AK8: variants seen among roughly 807,000 people sequenced by gnomAD.
AK8 encodes the protein adenylate kinase 8, also known as ATP-AMP transphosphorylase 8.
Under a neutral mutation model 54.6 loss-of-function variants are expected in AK8, and 44 were observed. The ratio of observed to expected loss-of-function variants is 0.81; its 90% CI spans 0.63 to 1.04. The LOEUF (loss-of-function observed/expected upper bound fraction) is 1.04, where lower values mean the gene tolerates loss of function less well. Ranked by LOEUF, AK8 falls within the 50% of genes least tolerant of loss-of-function variation. The probability of loss-of-function intolerance (pLI) is 0.00; values close to 1 mark genes in which losing one functional copy is unlikely to be tolerated. For missense variants in AK8, 555 were observed against 613.6 expected (o/e 0.90, Z 1.01); for synonymous variants, 239 against 245.6 (o/e 0.97, Z 0.25).
chr9:132,777,899 C>T (rs879689494), intron 11 of AK8, among the ~76,000 whole-genome samples: 1 of 152,242 alleles, frequency 6.6e-6, no homozygotes, highest in African/African-American at 2.4e-5. Flanking sequence ...CCCTTGTCCA[C>T]CGACACTGTG....
In AK8 at chr9:132,737,459, C is replaced by T. The variant is rs143436546; in HGVS notation, c.1122-9925G>A. ...ACTACAGACCAACATCCCTCATAAA[C>T]ACAAATGCAAAAATCCTCAGCAGAA... is the stretch of plus-strand genomic sequence containing the variant. On this transcript the variant is annotated intron_variant, in intron 11 of 12. Transcript: ENST00000298545. 4.6e-3 allele frequency among the ~76,000 whole-genome samples: 697 copies of T among 152,236 alleles called. 4 individuals carry two copies. The highest frequency in any genetic ancestry group is 0.016 in the African/African-American group (654 of 41,536).
chr9:132,821,256 G>A (rs1467842573), intron 9 of AK8, among the ~76,000 whole-genome samples: 11 of 151,110 alleles, frequency 7.3e-5, no homozygotes, highest in Admixed American at 3.3e-4. Flanking sequence ...TCCCTCCACC[G>A]CGAGTGCCCC....
intron 10 of AK8, among the ~76,000 whole-genome samples, chr9:132,812,606 C>T (rs1841115165): frequency 6.1e-5 from 1 of 16,344 alleles, no homozygotes; most frequent in Admixed American, 5.9e-4. Flanking sequence ...CCTGTGGCCT[C>T]CCAGACCCTG....
rs73659481 is a variant in AK8, at chr9:132,785,857, C to T, written c.1121+6777G>A. On this transcript the variant is annotated intron_variant, in intron 11 of 12. Transcript: ENST00000298545. ...GTTGAAAGTAAAACTTAGGAACATGCAAATGTAACAAAGAAATCAGAGTTT... is the reference window on the plus strand; with the variant it reads ...GTTGAAAGTAAAACTTAGGAACATGTAAATGTAACAAAGAAATCAGAGTTT... 4.3e-3 allele frequency among the ~76,000 whole-genome samples: 655 copies of T among 152,268 alleles called. 5 individuals carry two copies. Among genetic ancestry groups the T allele is most frequent in the African/African-American group, 0.015 (621 of 41,548 alleles).
chr9:132,735,865 C>T (rs528428791), intron 11 of AK8, among the ~76,000 whole-genome samples: 7 of 152,308 alleles, frequency 4.6e-5, no homozygotes, highest in Admixed American at 1.3e-4. Context: ...TACAGTCATG[C>T]GTTGCTTAAT....
chr9:132,842,431 A>G (rs1842582139), intron 5 of AK8, among the ~76,000 whole-genome samples: 1 of 152,218 alleles, frequency 6.6e-6, no homozygotes, highest in Admixed American at 6.5e-5. Flanking sequence ...CCTAACTATG[A>G]CAGTGCAGAG....
At chr9:132,812,745 G>C (rs1306689062) in intron 10 of AK8, among the ~76,000 whole-genome samples, 1 of 152,194 alleles carries the variant, frequency 6.6e-6, no homozygotes, top group South Asian at 2.1e-4. Context: ...GGCTGGTGGG[G>C]GCAGCGCTGG....
At chr9:132,850,297 T>A (rs1488028308) in intron 5 of AK8, among the ~76,000 whole-genome samples, 1 of 147,342 alleles carries the variant, frequency 6.8e-6, no homozygotes. Context: ...ACGGCTGCCT[T>A]TGTATTACAT....
chr9:132,850,179 G>C lies in AK8; in HGVS notation c.402+4678C>G, dbSNP rs1344702589. ...AGCCATTCCCCTGCCTCAGCCTACC[G>C]AGTAGCTGGGATTACAGGCACCCAC... On this transcript the variant is annotated intron_variant, in intron 5 of 12. Coordinates refer to ENST00000298545, the MANE Select transcript of AK8 (RefSeq NM_152572.3). Among the ~76,000 whole-genome samples the C allele has an allele frequency of 2.8e-5, 4 of 142,822 alleles. 1 individual carries two copies. 93.7% of individuals were successfully genotyped at this position (142,822 alleles called of 152,430 possible). A position where few individuals can be genotyped will look rare whatever the true frequency, so the allele number is the denominator to read the frequency against.
chr9:132,746,511 A>G (rs943752855), intron 11 of AK8, among the ~76,000 whole-genome samples: 4 of 152,230 alleles, frequency 2.6e-5, no homozygotes, highest in Non-Finnish European at 4.4e-5. Context: ...TGGCCTTAGC[A>G]TCGAGGCTGA....
At chr9:132,731,724 C>T (rs148997068) in intron 11 of AK8, among the ~76,000 whole-genome samples, 1 of 152,306 alleles carries the variant, frequency 6.6e-6, no homozygotes, top group East Asian at 1.9e-4. Context: ...GAGAGCTCAG[C>T]TCTCTGGATG....
intron 11 of AK8, among the ~76,000 whole-genome samples, chr9:132,768,407 A>G (rs1225755896): frequency 2.6e-5 from 4 of 152,106 alleles, no homozygotes; most frequent in Non-Finnish European, 5.9e-5. Context: ...AGCTGGGATT[A>G]CAGGCATGCG....
chr9:132,730,727 C>G (rs886131277), intron 11 of AK8, among the ~76,000 whole-genome samples: 9 of 152,236 alleles, frequency 5.9e-5, no homozygotes, highest in Admixed American at 2.6e-4. Flanking sequence ...GTCCTGTGAG[C>G]CCCGGAAATT....
chr9:132,789,111 C>T (rs215155), intron 11 of AK8, among the ~76,000 whole-genome samples: 1,747 of 151,894 alleles, frequency 0.012, 28 homozygotes, highest in African/African-American at 0.04. Flanking sequence ...CTGGCTAACA[C>T]GGTGAAACCC....
chr9:132,751,230 A>C (rs1441535465), intron 11 of AK8, among the ~76,000 whole-genome samples: 1 of 151,510 alleles, frequency 6.6e-6, no homozygotes, highest in African/African-American at 2.4e-5. Context: ...CTAAAAATAC[A>C]AAAATTAGCC....
chr9:132,766,432 C>G (rs1200065580), intron 11 of AK8, among the ~76,000 whole-genome samples: 1 of 151,916 alleles, frequency 6.6e-6, no homozygotes, highest in Non-Finnish European at 1.5e-5. Context: ...ATAAATTTAA[C>G]CAAGGAAGTA....
intron 11 of AK8, among the ~76,000 whole-genome samples, chr9:132,780,087 G>A (rs1385379366): frequency 6.6e-6 from 1 of 152,210 alleles, no homozygotes; most frequent in Non-Finnish European, 1.5e-5. Context: ...AGAAGGAGGA[G>A]GGAAAGGGAA....
At chr9:132,834,939 G>A (rs1034164719) in intron 5 of AK8, among the ~76,000 whole-genome samples, 12 of 151,366 alleles carry the variant, frequency 7.9e-5, no homozygotes, top group African/African-American at 2.4e-4. Context: ...GCATGATCTC[G>A]GCTCACTGCG....
rs150943343 is a variant in AK8 at position 132,821,768 on chromosome 9, T to C, written c.889+1437A>G. Among the ~76,000 whole-genome samples the C allele has an allele frequency of 9.6e-3, 1,055 of 110,344 alleles. 58 individuals carry two copies. Among genetic ancestry groups the C allele is most frequent in the African/African-American group, 0.027 (688 of 25,462 alleles). 72.4% of individuals were successfully genotyped at this position (110,344 alleles called of 152,430 possible). A position where few individuals can be genotyped will look rare whatever the true frequency, so the allele number is the denominator to read the frequency against. ...ATGTATATACAAATATATACATATA[T>C]GTATATGTGTATGTATATACAAATA... is the stretch of plus-strand genomic sequence containing the variant. On this transcript the variant is annotated intron_variant, in intron 9 of 12. Transcript: ENST00000298545.
Sources: allele counts gnomAD v4.1 joint callset (sites outside exome capture counted in the v4.1 genomes callset), GRCh38; gene constraint gnomAD v4.1.1; transcripts MANE v1.5; gene names NCBI Gene and HGNC (gene_info 2026-07-23, HGNC 2026-07-21).